HCFC1: variants seen among roughly 807,000 people sequenced by gnomAD.
The protein encoded by HCFC1 is host cell factor C1, also known as host cell factor 1.
Under a neutral mutation model 105.5 loss-of-function variants are expected in HCFC1, and 7 were observed. The ratio of observed to expected loss-of-function variants is 0.07; its 90% CI spans 0.04 to 0.12. HCFC1 has a LOEUF of 0.12. Ranked by LOEUF, HCFC1 falls within the 10% of genes least tolerant of loss-of-function variation. HCFC1 has a pLI of 1.00. For synonymous variants in HCFC1, 918 were observed against 828.1 expected (o/e 1.11, Z -1.86); for missense variants, 1,065 against 1,823.6 (o/e 0.58, Z 7.58).
chrX:153,951,930 T>C lies in HCFC1; in HGVS notation c.5171A>G (p.Asn1724Ser). 2 of 1,188,562 alleles carry C rather than the reference T, an allele frequency of 1.7e-6. No individual in the cohort carries two copies. Among genetic ancestry groups the C allele is most frequent in the Non-Finnish European group, 2.3e-6 (2 of 882,669 alleles). Residue 1724 changes from asparagine (N) to serine (S), a missense_variant, in exon 20 of 26, where the codon AAC (asparagine) becomes AGC (serine). Asn to Ser is a conservative substitution (Grantham distance 46). Coordinates refer to ENST00000310441, the MANE Select transcript of HCFC1 (RefSeq NM_005334.3). ...GCAATTGCTCTCAATGGCTGGGTCGTTGAGACTGTCGGCAGGGGCCAGGGC... is the reference window on the plus strand; with the variant it reads ...GCAATTGCTCTCAATGGCTGGGTCGCTGAGACTGTCGGCAGGGGCCAGGGC... ...TEALAPADSL[N>S]DPAIESNCLN...
At position 153,950,440 on chromosome X, in the gene HCFC1, C is replaced by A. The variant is rs2065299784; in HGVS notation, c.5807G>T (p.Gly1936Val). ...GGCCGGGGTGGAGCTCTTGAGCTCGCCCCCAGCCTGTGAGCTCTGGATGGC... is the reference window on the plus strand; with the variant it reads ...GGCCGGGGTGGAGCTCTTGAGCTCGACCCCAGCCTGTGAGCTCTGGATGGC... ...YLAIQSSQAG[G>V]ELKSSTPAQL... The change falls in exon 24 of 26, where the codon GGC becomes GTC. Residue 1936 changes from glycine to valine, a missense_variant. Physicochemically the swap from Gly to Val is moderately radical, Grantham distance 109 (BLOSUM62 -3). Transcript: ENST00000310441. 1 of 1,207,447 alleles carries A rather than the reference C, an allele frequency of 8.3e-7. No individual in the cohort carries two copies. The highest frequency in any genetic ancestry group is 1.8e-5 in the South Asian group (1 of 56,561).
chrX:153,949,538 G>C lies in HCFC1; in HGVS notation c.6068+15C>G, dbSNP rs1191627045. ...CCTAGTCTCAGAAGGTTCCCGAGAG[G>C]GGCTTCCTGCTTACATTTCTGGAGA... On this transcript the variant is annotated intron_variant, in intron 25 of 25. Transcript: ENST00000310441. 8.1e-5 allele frequency: 97 copies of C among 1,204,448 alleles called. No individual in the cohort carries two copies. The highest frequency in any genetic ancestry group is 1.1e-4 in the Non-Finnish European group (94 of 889,742).
chrX:153,949,094 C>A lies in HCFC1; in HGVS notation c.*253G>T. The A allele has an allele frequency of 3.2e-6, 1 of 308,596 alleles. No individual in the cohort carries two copies. Among genetic ancestry groups the A allele is most frequent in the Non-Finnish European group, 5.7e-6 (1 of 176,200 alleles). The allele number at this position is 308,596 out of a possible 1,213,427, so 25.4% of individuals were successfully genotyped here. On this transcript the variant is annotated 3_prime_UTR_variant, in exon 26 of 26. Coordinates refer to ENST00000310441, the MANE Select transcript of HCFC1 (RefSeq NM_005334.3). ...AAAAGTCTCTCCCCAGGGTGGGCGG[C>A]AGCGGGGAGGAAAGGAAGCGCGCTC...
rs781927269 is a variant in HCFC1 at position 153,970,963 on chromosome X, T to C, written c.-123A>G. 5.0e-5 allele frequency: 27 copies of C among 537,632 alleles called. No individual in the cohort carries two copies. The highest frequency in any genetic ancestry group is 6.4e-5 in the Non-Finnish European group (22 of 344,038). 44.3% of individuals were successfully genotyped at this position (537,632 alleles called of 1,213,427 possible). ...GGAGAAGCGGTTTCTCACACAGCGG[T>C]AGACGACTCCATGGAGGCCGCCATC... is the stretch of plus-strand genomic sequence containing the variant. On this transcript the variant is annotated 5_prime_UTR_variant, in exon 1 of 26. Transcript: ENST00000310441.
In HCFC1 at chrX:153,952,799, C is replaced by T; in HGVS notation, c.4657G>A (p.Gly1553Arg). ...LPAAVDLSST[G>R]EPSSGQESAG... is the part of the protein sequence containing the mutation. ...GACTCCTGGCCCGAAGATGGCTCCC[C>T]TGTGCTGCTCAGATCCACGGCGGCC... Residue 1553 changes from glycine (G) to arginine (R), a missense_variant, in exon 19 of 26, where the codon GGG (glycine) becomes AGG (arginine). Physicochemically the swap from Gly to Arg is moderately radical, Grantham distance 125 (BLOSUM62 -2). Around this residue, in one of 17 missense-constraint regions of HCFC1, gnomAD observed 546 missense variants for 599.9 expected, o/e 0.91. Coordinates refer to ENST00000310441, the MANE Select transcript of HCFC1 (RefSeq NM_005334.3). The T allele has an allele frequency of 8.3e-7, 1 of 1,204,527 alleles. No homozygotes were observed. Among genetic ancestry groups the T allele is most frequent in the Non-Finnish European group, 1.1e-6 (1 of 891,625 alleles).
In HCFC1 at chrX:153,964,246, C is replaced by A; in HGVS notation, c.381G>T (p.Thr127=). 1 of 1,200,121 alleles carries A rather than the reference C, an allele frequency of 8.3e-7. No individual in the cohort carries two copies. The highest frequency in any genetic ancestry group is 1.8e-5 in the South Asian group (1 of 55,261). The change falls in exon 3 of 26, where the codon ACG becomes ACT. Residue 127 remains threonine (T), a synonymous_variant. Coordinates refer to ENST00000310441, the MANE Select transcript of HCFC1 (RefSeq NM_005334.3). ...RWEWKRLKAK[T]PKNGPPPCPR... The stretch of plus-strand genomic sequence containing the variant: ...GACACGGAGGGGGCCCGTTTTTGGG[C>A]GTCTTTGCTTTGAGTCTCTTCCACT...
At chrX:153,966,165 G>A (rs998788626) in intron 1 of HCFC1, among the ~76,000 whole-genome samples, 3 of 111,942 alleles carry the variant, frequency 2.7e-5, no homozygotes, top group Non-Finnish European at 3.8e-5. Context: ...AGCTGAGACC[G>A]CACCACTGCA....
chrX:153,950,742 C>T (rs1406393922), intron 23 of HCFC1, 71 bp downstream of exon 23: 5 of 1,069,676 alleles, frequency 4.7e-6, no homozygotes, highest in South Asian at 3.9e-5. Flanking sequence ...ATGCCCCCCC[C>T]CGGCCACCTC....
In HCFC1 at chrX:153,951,362, A is replaced by G; in HGVS notation, c.5505T>C (p.Ala1835=). Residue 1835 remains alanine (A), a synonymous_variant, in exon 22 of 26, where the codon GCT becomes GCC. Coordinates refer to ENST00000310441, the MANE Select transcript of HCFC1 (RefSeq NM_005334.3). ...VTHYFLPPDD[A]VPSDDDLGTV... ...TGGGGACACTTACGTCTGATGGGAC[A>G]GCATCATCTGGTGGCAGGAAATAGT... 3 of 1,211,633 alleles carry G rather than the reference A, an allele frequency of 2.5e-6. No homozygotes were observed. Among genetic ancestry groups the G allele is most frequent in the Non-Finnish European group, 2.2e-6 (2 of 895,348 alleles).
At chrX:153,957,950 G>C (rs781906494) in intron 11 of HCFC1, 64 bp from the exon 12 acceptor site, 21 of 1,149,768 alleles carry the variant, frequency 1.8e-5, no homozygotes, top group Non-Finnish European at 2.5e-5. Context: ...GCCTGGCTGA[G>C]ACTCTCCTGG....
At chrX:153,970,612 G>A (rs782325174) in intron 1 of HCFC1, 36 bp downstream of exon 1, 9 of 1,082,326 alleles carry the variant, frequency 8.3e-6, no homozygotes, top group Non-Finnish European at 1.1e-5. Flanking sequence ...ATGGAGGGAG[G>A]GAAAGAGCCG....
chrX:153,955,707 T>C (rs2065368810), intron 16 of HCFC1, among the ~76,000 whole-genome samples, 165 bp from the exon 17 acceptor site: 1 of 111,745 alleles, frequency 8.9e-6, no homozygotes, highest in Non-Finnish European at 1.9e-5. Flanking sequence ...ACTGACTTGC[T>C]CAGAGGCCAG....
At position 153,964,525 on chromosome X, in the gene HCFC1, C is replaced by A; in HGVS notation, c.342+53G>T. ...CTTGCCTCAACCCTGAAGCCACTAC[C>A]GTCAGGTCACATGGGGCCAAGGAGG... On this transcript the variant is annotated intron_variant, in intron 2 of 25. Coordinates refer to ENST00000310441, the MANE Select transcript of HCFC1 (RefSeq NM_005334.3). 4.4e-6 allele frequency: 5 copies of A among 1,141,035 alleles called. No individual in the cohort carries two copies. In the South Asian group the frequency reaches 6.3e-5, roughly 14 times the overall value. The allele number at this position is 1,141,035 out of a possible 1,213,427, so 94.0% of individuals were successfully genotyped here. A position where few individuals can be genotyped will look rare whatever the true frequency, so the allele number is the denominator to read the frequency against.
chrX:153,948,701 C>T lies in HCFC1; in HGVS notation c.*646G>A, dbSNP rs782486230. 1 of 112,667 alleles carries T rather than the reference C, an allele frequency of 8.9e-6. No individual in the cohort carries two copies. Among genetic ancestry groups the T allele is most frequent in the African/African-American group, 3.2e-5 (1 of 31,022 alleles). The allele number at this position is 112,667 out of a possible 1,213,427, so 9.3% of individuals were successfully genotyped here. A position where few individuals can be genotyped will look rare whatever the true frequency, so the allele number is the denominator to read the frequency against. On this transcript the variant is annotated 3_prime_UTR_variant, in exon 26 of 26. Coordinates refer to ENST00000310441, the MANE Select transcript of HCFC1 (RefSeq NM_005334.3). ...AGGTCTGCACAGGCGCTGCCCAGGC[C>T]GCCGCGGGGCTCCTTGCCCCTTTTT...
At chrX:153,950,789 C>T (rs782188423) in intron 23 of HCFC1, 24 bp downstream of exon 23, 12 of 1,199,890 alleles carry the variant, frequency 1.0e-5, no homozygotes, top group African/African-American at 8.8e-5. Flanking sequence ...CAGGGACAGA[C>T]GGCCACCCCA....
chrX:153,964,276 C>T lies in HCFC1; in HGVS notation c.351G>A (p.Arg117=), dbSNP rs202217162. Residue 117 remains arginine, a synonymous_variant, in exon 3 of 26, where the codon CGG becomes CGA. Transcript: ENST00000310441. ...TTGCTTTGAGTCTCTTCCACTCCCA[C>T]CGGCTCGCCTGCAAAATCAAGACCT... ...SNDLYELQAS[R]WEWKRLKAKT... is the part of the protein sequence containing the mutation. 4.6e-5 allele frequency: 54 copies of T among 1,174,040 alleles called. 1 individual carries two copies. The East Asian group carries it at 1.6e-3, about 35-fold the overall frequency.
chrX:153,957,615 T>G, intron 12 of HCFC1, 82 bp from the exon 13 acceptor site: 1 of 898,246 alleles, frequency 1.1e-6, no homozygotes. Context: ...CCGGCAGCCT[T>G]GGCGGCTCAG....
At chrX:153,961,345 T>C (rs1300568055) in intron 6 of HCFC1, among the ~76,000 whole-genome samples, 197 bp downstream of exon 6, 1 of 112,204 alleles carries the variant, frequency 8.9e-6, no homozygotes, top group Non-Finnish European at 1.9e-5. Flanking sequence ...TTGGGCCATT[T>C]GGATGGAGAG....
At chrX:153,959,265 G>A (rs2065406428) in intron 9 of HCFC1, 66 bp downstream of exon 9, 1 of 1,106,511 alleles carries the variant, frequency 9.0e-7, no homozygotes, top group Admixed American at 2.7e-5. Context: ...GAACCCCTCA[G>A]TACACTTGCA....
Sources: allele counts gnomAD v4.1 joint callset (sites outside exome capture counted in the v4.1 genomes callset), GRCh38; gene constraint gnomAD v4.1.1; regional missense constraint gnomAD v4.1.1; transcripts MANE v1.5; gene names NCBI Gene and HGNC (gene_info 2026-07-23, HGNC 2026-07-21).